LARGE1: variants seen among roughly 807,000 people sequenced by gnomAD.
LARGE1 encodes xylosyl- and glucuronyltransferase LARGE1.
In LARGE1, 43 loss-of-function variants were observed where a neutral mutation model predicts 87.6. The ratio of observed to expected loss-of-function variants is 0.49; its 90% confidence interval spans 0.38 to 0.63. LARGE1 has a LOEUF of 0.63. Among genes scored for constraint, LARGE1 ranks in the 30% least tolerant of loss-of-function variants. LARGE1 has a pLI of 0.00. For missense variants in LARGE1, 802 were observed against 1,000.2 expected (o/e 0.80, Z 2.67); for synonymous variants, 434 against 394.6 (o/e 1.10, Z -1.18).
At chr22:33,488,894 C>T (rs959661812) in intron 6 of LARGE1, among the ~76,000 whole-genome samples, 5 of 152,188 alleles carry the variant, frequency 3.3e-5, no homozygotes, top group African/African-American at 1.2e-4. Context: ...AATCACAACA[C>T]CCAACTTGAA....
chr22:33,247,400 G>A (rs1926815096), intron 11 of LARGE1, among the ~76,000 whole-genome samples: 1 of 152,118 alleles, frequency 6.6e-6, no homozygotes, highest in African/African-American at 2.4e-5. Flanking sequence ...GAATAAATTT[G>A]TCAATCATTA....
chr22:33,200,038 G>A (rs1924298605), intron 11 of LARGE1, among the ~76,000 whole-genome samples: 2 of 151,888 alleles, frequency 1.3e-5, no homozygotes, highest in Non-Finnish European at 2.9e-5. Context: ...TAGTAGAGAT[G>A]GGGTTTCACC....
chr22:33,576,818 A>G lies in LARGE1; in HGVS notation c.616-11799T>C, dbSNP rs58039537. On this transcript the variant is annotated intron_variant, in intron 5 of 14. Transcript: ENST00000397394. ...AATCATCCCTAGAGTGCTTATTAAT[A>G]CCTAATGCAATGTAAATACTATGTA... 1.3e-3 allele frequency among the ~76,000 whole-genome samples: 203 copies of G among 152,296 alleles called. 1 individual carries two copies. Among genetic ancestry groups the G allele is most frequent in the African/African-American group, 4.7e-3 (197 of 41,560 alleles).
At chr22:33,643,734 C>T (rs1281691147) in intron 3 of LARGE1, among the ~76,000 whole-genome samples, 1 of 152,124 alleles carries the variant, frequency 6.6e-6, no homozygotes, top group Non-Finnish European at 1.5e-5. Flanking sequence ...GGGGACATCA[C>T]CACTGATTCC....
At chr22:33,307,279 G>A (rs1203072125) in intron 11 of LARGE1, among the ~76,000 whole-genome samples, 1 of 152,162 alleles carries the variant, frequency 6.6e-6, no homozygotes, top group East Asian at 1.9e-4. Context: ...GCTTAAGGGG[G>A]TGAAATAACT....
At chr22:33,072,004 A>G in the LARGE1 span, among the ~76,000 whole-genome samples, 1 of 152,124 alleles carries the variant, frequency 6.6e-6, no homozygotes, top group Non-Finnish European at 1.5e-5. Flanking sequence ...TTGGAGCACT[A>G]CAGGTCCTTT....
At chr22:33,412,891 C>A (rs994336001) in intron 7 of LARGE1, among the ~76,000 whole-genome samples, 14 of 152,214 alleles carry the variant, frequency 9.2e-5, no homozygotes, top group African/African-American at 3.1e-4. Flanking sequence ...GATATCTTGG[C>A]CTCAGGTGAT....
At chr22:33,270,519 C>T (rs1390694258), downstream of LARGE1, among the ~76,000 whole-genome samples, 1 of 152,164 alleles carries the variant, frequency 6.6e-6, no homozygotes, top group Non-Finnish European at 1.5e-5. Flanking sequence ...ATTAATTTCT[C>T]TGGGAGCTAG....
At chr22:33,340,055 T>G (rs1048086242) in intron 9 of LARGE1, among the ~76,000 whole-genome samples, 1 of 148,894 alleles carries the variant, frequency 6.7e-6, no homozygotes, top group African/African-American at 2.6e-5. Context: ...GTATTAAAAA[T>G]GATTCATTAT....
chr22:33,522,322 A>T (rs1267466107), intron 6 of LARGE1, among the ~76,000 whole-genome samples: 1 of 152,252 alleles, frequency 6.6e-6, no homozygotes, highest in Non-Finnish European at 1.5e-5. Flanking sequence ...AAGGCAGTTC[A>T]CAGGGGATGT....
At chr22:33,621,270 C>G (rs1300874540) in intron 4 of LARGE1, among the ~76,000 whole-genome samples, 1 of 152,072 alleles carries the variant, frequency 6.6e-6, no homozygotes, top group Admixed American at 6.6e-5. Flanking sequence ...TTAGGGTTCT[C>G]TTTTTAAGGG....
intron 9 of LARGE1, among the ~76,000 whole-genome samples, chr22:33,350,720 T>C (rs8142023): frequency 0.34 from 52,368 of 152,078 alleles, 9,276 homozygotes; most frequent in African/African-American, 0.41. Flanking sequence ...GGCCCACTAT[T>C]GCTCTTTTGT....
At chr22:33,825,202 T>G (rs73882307) in intron 1 of LARGE1, among the ~76,000 whole-genome samples, 1 of 152,192 alleles carries the variant, frequency 6.6e-6, no homozygotes, top group African/African-American at 2.4e-5. Flanking sequence ...CTTTGCATTA[T>G]GAAGGAAATC....
intron 2 of LARGE1, among the ~76,000 whole-genome samples, 156 bp from the exon 3 acceptor site, chr22:33,650,824 C>T (rs1002667267): frequency 6.6e-6 from 1 of 152,152 alleles, no homozygotes; most frequent in African/African-American, 2.4e-5. Context: ...TAAACGCATC[C>T]AGATTGAACT....
At chr22:33,432,743 C>G (rs991093864) in intron 6 of LARGE1, among the ~76,000 whole-genome samples, 1 of 152,172 alleles carries the variant, frequency 6.6e-6, no homozygotes, top group East Asian at 1.9e-4. Flanking sequence ...TGGTTTCTCA[C>G]GACAGGGAGG....
intron 2 of LARGE1, chr22:33,704,885 GC>G (rs1457804252): frequency 6.6e-6 from 1 of 152,226 alleles, no homozygotes; most frequent in Non-Finnish European, 1.5e-5. Context: ...GACCCCTGAG[GC>G]CACAGCCAGA....
At chr22:33,581,544 T>A (rs962591470) in intron 5 of LARGE1, among the ~76,000 whole-genome samples, 2 of 152,104 alleles carry the variant, frequency 1.3e-5, no homozygotes, top group Non-Finnish European at 2.9e-5. Flanking sequence ...CTGGGCACGG[T>A]GGCTCAAATC....
At chr22:33,414,128 T>C (rs538798409) in intron 7 of LARGE1, among the ~76,000 whole-genome samples, 1 of 152,284 alleles carries the variant, frequency 6.6e-6, no homozygotes, top group South Asian at 2.1e-4. Flanking sequence ...CTGTTTTCCA[T>C]AGTGGCCGCA....
chr22:33,812,099 C>G (rs2086514748), intron 1 of LARGE1, among the ~76,000 whole-genome samples: 1 of 152,122 alleles, frequency 6.6e-6, no homozygotes, highest in Non-Finnish European at 1.5e-5. Flanking sequence ...CAGGTTCAAC[C>G]CAGGTGGCAA....
Sources: gnomAD v4.1 joint callset for allele counts (sites outside exome capture counted in the v4.1 genomes callset) on GRCh38, gnomAD v4.1.1 for gene constraint, MANE v1.5 for transcripts, NCBI Gene and HGNC (gene_info 2026-07-23, HGNC 2026-07-21) for gene names.